Variants in CAST observed in about 807,000 individuals in gnomAD.
The protein encoded by CAST is calpastatin, also known as MIR583 host.
Under a neutral mutation model 119.6 loss-of-function variants are expected in CAST, and 76 were observed. That is an observed-to-expected ratio of 0.64 (90% CI 0.53 to 0.77). The LOEUF (loss-of-function observed/expected upper bound fraction) is 0.77, where lower values mean the gene tolerates loss of function less well. CAST is among the 30% of genes least tolerant of loss of function. CAST has a pLI of 0.00. For missense variants in CAST, 953 were observed against 946.5 expected (o/e 1.01, Z -0.09); for synonymous variants, 319 against 331.6 (o/e 0.96, Z 0.41).
the CAST span, among the ~76,000 whole-genome samples, chr5:96,510,837 A>C: frequency 1.3e-5 from 2 of 152,272 alleles, no homozygotes; most frequent in Non-Finnish European, 2.9e-5. Flanking sequence ...ATCCAAAAAA[A>C]GGGGTGGATT....
chr5:96,489,066 C>T, the CAST span, among the ~76,000 whole-genome samples: 14 of 152,206 alleles, frequency 9.2e-5, 1 homozygote, highest in Admixed American at 9.2e-4. Context: ...GAACTTGTTA[C>T]TAGTAATTGG....
chr5:96,694,492 G>A (rs1216561252), intron 2 of CAST, among the ~76,000 whole-genome samples: 7 of 152,110 alleles, frequency 4.6e-5, no homozygotes, highest in South Asian at 4.1e-4. Context: ...TTAGCTGGGC[G>A]TGGTGGCATG....
chr5:96,509,429 T>C, the CAST span, among the ~76,000 whole-genome samples: 1 of 152,138 alleles, frequency 6.6e-6, no homozygotes, highest in South Asian at 2.1e-4. Context: ...ATTTTTAAAA[T>C]CCCCCTGAGC....
At chr5:95,980,600 T>C in the CAST span, 1 of 152,174 alleles carries the variant, frequency 6.6e-6, no homozygotes, top group African/African-American at 2.4e-5. Flanking sequence ...CAACCTATCA[T>C]GGTGTTTTTA....
chr5:96,336,656 C>A, the CAST span, among the ~76,000 whole-genome samples: 1 of 152,330 alleles, frequency 6.6e-6, no homozygotes, highest in East Asian at 1.9e-4. Flanking sequence ...TGAGGTTTTG[C>A]TGTAGACATT....
the CAST span, among the ~76,000 whole-genome samples, chr5:96,316,367 C>G: frequency 6.6e-6 from 1 of 152,156 alleles, no homozygotes; most frequent in African/African-American, 2.4e-5. Context: ...CTTCTCTGTC[C>G]TCTTGTCCTA....
At chr5:96,437,997 T>A in the CAST span, among the ~76,000 whole-genome samples, 1 of 152,188 alleles carries the variant, frequency 6.6e-6, no homozygotes, top group Non-Finnish European at 1.5e-5. Context: ...CTCAATCTCT[T>A]TTATACATGA....
chr5:96,478,679 C>G, the CAST span, among the ~76,000 whole-genome samples: 2 of 152,222 alleles, frequency 1.3e-5, no homozygotes, highest in African/African-American at 4.8e-5. Flanking sequence ...AGACCATTCT[C>G]TCTTGTTTCG....
chr5:96,356,833 A>G, the CAST span, among the ~76,000 whole-genome samples: 1 of 152,134 alleles, frequency 6.6e-6, no homozygotes, highest in Non-Finnish European at 1.5e-5. Context: ...TTGCTTCTAT[A>G]TGAAATTTAA....
At chr5:96,663,995 G>A (rs1748962359) in intron 1 of CAST, among the ~76,000 whole-genome samples, 1 of 151,268 alleles carries the variant, frequency 6.6e-6, no homozygotes, top group African/African-American at 2.4e-5. Flanking sequence ...GAGCCAAAAT[G>A]TTTATGTCTC....
At chr5:96,552,535 A>G (rs1746153837) in intron 1 of CAST, among the ~76,000 whole-genome samples, 1 of 152,184 alleles carries the variant, frequency 6.6e-6, no homozygotes, top group Non-Finnish European at 1.5e-5. Context: ...AAACAAATTC[A>G]AAAGCTAGCA....
the CAST span, among the ~76,000 whole-genome samples, chr5:96,189,468 A>G: frequency 1.3e-5 from 2 of 152,148 alleles, no homozygotes; most frequent in Non-Finnish European, 2.9e-5. Flanking sequence ...CAGTTCCTTT[A>G]AATTCATCCT....
intron 1 of CAST, among the ~76,000 whole-genome samples, chr5:96,655,918 T>C (rs973422720): frequency 1.1e-4 from 17 of 152,226 alleles, no homozygotes; most frequent in African/African-American, 4.1e-4. Flanking sequence ...CAGGTAGCAT[T>C]ATCTTCATGT....
the CAST span, among the ~76,000 whole-genome samples, chr5:96,196,776 G>A: frequency 1.8e-4 from 28 of 152,182 alleles, no homozygotes; most frequent in Non-Finnish European, 3.1e-4. Context: ...TCTTCTAAAT[G>A]TGATATATCT....
chr5:96,403,908 A>G, the CAST span, among the ~76,000 whole-genome samples: 1 of 152,210 alleles, frequency 6.6e-6, no homozygotes, highest in Non-Finnish European at 1.5e-5. Context: ...TAATAAGACC[A>G]GAAGTTTGGC....
At chr5:96,125,064 AC>A in the CAST span, among the ~76,000 whole-genome samples, 3 of 152,150 alleles carry the variant, frequency 2.0e-5, no homozygotes, top group Non-Finnish European at 2.9e-5. Context: ...AGATATCTTA[AC>A]CCACAAGAAC....
the CAST span, among the ~76,000 whole-genome samples, chr5:96,403,357 T>C: frequency 6.6e-6 from 1 of 152,210 alleles, no homozygotes; most frequent in Admixed American, 6.5e-5. Context: ...GTTGGTGTGC[T>C]GCACCCGTTA....
At chr5:95,989,956 C>T in the CAST span, among the ~76,000 whole-genome samples, 2 of 152,062 alleles carry the variant, frequency 1.3e-5, no homozygotes, top group Admixed American at 6.6e-5. Flanking sequence ...TAAAATGTAA[C>T]ATGAGTTCTT....
the CAST span, chr5:96,390,429 A>T: frequency 1.3e-5 from 2 of 152,276 alleles, no homozygotes; most frequent in African/African-American, 4.8e-5. Flanking sequence ...TGGTCAATAC[A>T]TCAAATGTAT....
Sources: allele counts gnomAD v4.1 joint callset (sites outside exome capture counted in the v4.1 genomes callset), GRCh38; gene constraint gnomAD v4.1.1; transcripts MANE v1.5; gene names NCBI Gene and HGNC (gene_info 2026-07-23, HGNC 2026-07-21).